LRRC37A2: variants seen among roughly 807,000 people sequenced by gnomAD.
LRRC37A2 encodes leucine-rich repeat-containing protein 37A2.
LRRC37A2 carries 9 observed loss-of-function variants against 68.8 expected under a neutral mutation model. The ratio of observed to expected loss-of-function variants is 0.13; its 90% CI spans 0.08 to 0.23. The LOEUF (loss-of-function observed/expected upper bound fraction) is 0.23, where lower values mean the gene tolerates loss of function less well. Among genes scored for constraint, LRRC37A2 ranks in the 10% least tolerant of loss-of-function variants. LRRC37A2 has a pLI of 1.00. For synonymous variants in LRRC37A2, 63 were observed against 367.6 expected, an observed-to-expected ratio of 0.17 and a Z score of 9.48; for missense variants, 168 against 950.4, an observed-to-expected ratio of 0.18 and a Z score of 10.82.
At chr17:46,490,729 A>G in the LRRC37A2 span, among the ~76,000 whole-genome samples, 1 of 150,232 alleles carries the variant, frequency 6.7e-6, no homozygotes, top group Non-Finnish European at 1.5e-5. Context: ...ATCTCAAAAA[A>G]AAAAAAAAAA....
chr17:46,851,420 A>G, the LRRC37A2 span, among the ~76,000 whole-genome samples: 48 of 138,798 alleles, frequency 3.5e-4, no homozygotes, highest in East Asian at 9.8e-3. The surrounding 1 kb of genome is among the most constrained non-coding windows in gnomAD (Gnocchi z 4.3). Flanking sequence ...GGGGCGGTCC[A>G]GGGGCGGCTG....
At chr17:46,598,774 A>G in the LRRC37A2 span, among the ~76,000 whole-genome samples, 2 of 151,950 alleles carry the variant, frequency 1.3e-5, no homozygotes, top group Non-Finnish European at 2.9e-5. Flanking sequence ...ACAAACTTTC[A>G]GATGAAACTT....
chr17:46,535,170 C>G lies in LRRC37A2; in HGVS notation c.2907-5006C>G, dbSNP rs1219634693. ...CAAGCCTCCCAAGGTACTGGGAGTACAGGTGTGAGCAACCATGTCCAGCAC... is the reference window on the plus strand; with the variant it reads ...CAAGCCTCCCAAGGTACTGGGAGTAGAGGTGTGAGCAACCATGTCCAGCAC... On this transcript the variant is annotated intron_variant, in intron 6 of 14. Coordinates refer to ENST00000576629, the Ensembl canonical transcript of LRRC37A2. 1.0e-4 allele frequency among the ~76,000 whole-genome samples: 15 copies of G among 149,310 alleles called. No homozygotes were observed. The East Asian group carries it at 2.5e-3, about 25-fold the overall frequency.
the LRRC37A2 span, among the ~76,000 whole-genome samples, chr17:46,951,211 G>A: frequency 6.6e-6 from 1 of 152,184 alleles, no homozygotes; most frequent in Non-Finnish European, 1.5e-5. Flanking sequence ...AGAGGTGGAC[G>A]CAGCCCACAG....
chr17:46,501,074 G>A, the LRRC37A2 span, among the ~76,000 whole-genome samples: 1 of 151,292 alleles, frequency 6.6e-6, no homozygotes, highest in Admixed American at 6.6e-5. Flanking sequence ...AATTTTTTTA[G>A]AGACAGAATA....
chr17:46,981,156 G>A, the LRRC37A2 span, among the ~76,000 whole-genome samples: 1 of 152,232 alleles, frequency 6.6e-6, no homozygotes, highest in Admixed American at 6.5e-5. Context: ...AGTGAAGTGG[G>A]AGACAAGGGG....
downstream of LRRC37A2, chr17:46,558,825 C>T (rs1447613478): frequency 3.3e-5 from 4 of 120,726 alleles, 1 homozygote; most frequent in East Asian, 3.4e-4. Context: ...GAAAAAGGGA[C>T]CTCTTTTATT....
the LRRC37A2 span, among the ~76,000 whole-genome samples, chr17:46,753,064 C>T: frequency 1.5e-4 from 23 of 152,192 alleles, no homozygotes; most frequent in Admixed American, 1.5e-3. Flanking sequence ...CCACTGCGCC[C>T]GGCCAGTAAA....
chr17:46,821,800 G>A, the LRRC37A2 span, among the ~76,000 whole-genome samples: 1 of 152,178 alleles, frequency 6.6e-6, no homozygotes, highest in Non-Finnish European at 1.5e-5. Context: ...TCCTTTTGAT[G>A]TGCACTCCCC....
chr17:46,728,314 A>G, the LRRC37A2 span, among the ~76,000 whole-genome samples: 1 of 152,244 alleles, frequency 6.6e-6, no homozygotes, highest in Middle Eastern at 3.4e-3. Context: ...TTCTAACATC[A>G]TGTTTTAATA....
the LRRC37A2 span, among the ~76,000 whole-genome samples, chr17:46,739,746 AG>A: frequency 6.7e-6 from 1 of 150,066 alleles, no homozygotes; most frequent in East Asian, 2.0e-4. Flanking sequence ...TTTTTTTTCC[AG>A]GAGTGCAGTG....
the LRRC37A2 span, chr17:47,018,754 A>T: frequency 6.6e-7 from 1 of 1,521,074 alleles, no homozygotes; most frequent in East Asian, 2.3e-5. Flanking sequence ...GCCCCAGCTC[A>T]GACTCCAGAG....
At chr17:46,941,456 C>T in the LRRC37A2 span, 302 of 982,804 alleles carry the variant, frequency 3.1e-4, 1 homozygote, top group African/African-American at 1.5e-3. Flanking sequence ...AACACTGCTC[C>T]ATGGCCAGGG....
chr17:46,978,585 G>A, the LRRC37A2 span: 248 of 1,525,212 alleles, frequency 1.6e-4, 1 homozygote, highest in Non-Finnish European at 2.0e-4. Context: ...GCGGGGCGAG[G>A]GTCCGGGTCT....
the LRRC37A2 span, among the ~76,000 whole-genome samples, chr17:46,806,895 C>T: frequency 2.6e-5 from 4 of 152,134 alleles, no homozygotes; most frequent in African/African-American, 4.8e-5. Context: ...CTGCTGGGGA[C>T]GGGAGCAGCT....
the LRRC37A2 span, among the ~76,000 whole-genome samples, chr17:46,820,920 G>T: frequency 2.2e-4 from 34 of 152,214 alleles, no homozygotes; most frequent in Admixed American, 2.2e-3. Flanking sequence ...ATGGTGGGGC[G>T]ACAGGGCCTG....
the LRRC37A2 span, among the ~76,000 whole-genome samples, chr17:46,926,560 T>G: frequency 6.6e-6 from 1 of 152,182 alleles, no homozygotes; most frequent in Non-Finnish European, 1.5e-5. Context: ...GGCTAAGACT[T>G]CTTTTTCCTC....
the LRRC37A2 span, chr17:46,751,683 G>A: frequency 1.0e-5 from 9 of 890,320 alleles, no homozygotes; most frequent in Non-Finnish European, 1.5e-5. Flanking sequence ...AGAGGGTTCA[G>A]TATTTCCTTT....
At chr17:46,657,241 G>A in the LRRC37A2 span, among the ~76,000 whole-genome samples, 3 of 78,168 alleles carry the variant, frequency 3.8e-5, no homozygotes, top group Admixed American at 1.4e-4. Context: ...GGATTCACAA[G>A]TGTAAATGTT....
Sources: allele counts gnomAD v4.1 joint callset (sites outside exome capture counted in the v4.1 genomes callset), GRCh38; gene constraint gnomAD v4.1.1; non-coding constraint Gnocchi (gnomAD v3.1); transcripts MANE v1.5; gene names NCBI Gene and HGNC (gene_info 2026-07-23, HGNC 2026-07-21).